IL15: variants seen among roughly 807,000 people sequenced by gnomAD.
IL15 encodes the protein interleukin 15.
In IL15, 11 loss-of-function variants were observed where a neutral mutation model predicts 19.6. The observed-to-expected ratio is 0.56, with a 90% CI of 0.35 to 0.93. The LOEUF (loss-of-function observed/expected upper bound fraction) is 0.93, where lower values mean the gene tolerates loss of function less well. Ranked by LOEUF, IL15 falls within the 40% of genes least tolerant of loss-of-function variation. IL15 has a pLI of 0.01. For missense variants in IL15, 197 were observed against 186.5 expected (o/e 1.06, Z -0.33); for synonymous variants, 58 against 59.6 (o/e 0.97, Z 0.12).
At chr4:141,707,391 G>A (rs770434379) in intron 2 of IL15, among the ~76,000 whole-genome samples, 5 of 152,048 alleles carry the variant, frequency 3.3e-5, no homozygotes, top group Admixed American at 6.6e-5. Flanking sequence ...CATTTCATAA[G>A]TATCATTTTA....
chr4:141,712,468 C>T (rs1729744268), intron 2 of IL15, among the ~76,000 whole-genome samples: 1 of 151,972 alleles, frequency 6.6e-6, no homozygotes, highest in African/African-American at 2.4e-5. Flanking sequence ...CATAGTGCTA[C>T]AGAAAACTAT....
chr4:141,707,554 A>G (rs1579039532), intron 2 of IL15, among the ~76,000 whole-genome samples: 1 of 152,060 alleles, frequency 6.6e-6, no homozygotes, highest in Non-Finnish European at 1.5e-5. Flanking sequence ...TCAGGGAGAG[A>G]CATTTCCTGT....
intron 2 of IL15, among the ~76,000 whole-genome samples, chr4:141,703,784 AGT>A (rs1729414712): frequency 6.7e-6 from 1 of 149,456 alleles, no homozygotes; most frequent in Admixed American, 6.7e-5. Flanking sequence ...TCCTTGGTTA[AGT>A]TTATTTCTAG....
intron 4 of IL15, chr4:141,720,930 T>C (rs978347700): frequency 2.2e-5 from 12 of 555,138 alleles, no homozygotes; most frequent in South Asian, 1.9e-4. Context: ...TGACACTGAC[T>C]CCTCCTATCC....
chr4:141,694,945 C>T lies in IL15; in HGVS notation c.-99-24421C>T, dbSNP rs547696827. The stretch of plus-strand genomic sequence containing the variant: ...ATATCTAATTAATCAGCAAATCCTA[C>T]ACCATCAGAATATACCCCTCTCTCC... On this transcript the variant is annotated intron_variant, in intron 2 of 7. Transcript: ENST00000320650. 3.9e-5 allele frequency among the ~76,000 whole-genome samples: 6 copies of T among 152,282 alleles called. No individual in the cohort carries two copies. In the South Asian group the frequency reaches 6.2e-4, roughly 16 times the overall value.
At chr4:141,696,838 T>C (rs559035571) in intron 2 of IL15, among the ~76,000 whole-genome samples, 1 of 151,962 alleles carries the variant, frequency 6.6e-6, no homozygotes. Flanking sequence ...TTTTGTCCTT[T>C]GCCCACTTTT....
At position 141,727,946 on chromosome 4, in the gene IL15, C is replaced by A; in HGVS notation, c.202C>A (p.His68Asn). 1 of 1,289,502 alleles carries A rather than the reference C, an allele frequency of 7.8e-7. No homozygotes were observed. The highest frequency in any genetic ancestry group is 1.1e-6 in the Non-Finnish European group (1 of 905,526). 79.9% of individuals were successfully genotyped at this position (1,289,502 alleles called of 1,614,324 possible). The change falls in exon 6 of 8, where the codon CAT becomes AAT. Residue 68 changes from histidine (H) to asparagine (N), a missense_variant. Transcript: ENST00000320650. Reference protein sequence around the residue: ...KKIEDLIQSMHIDATLYTESD... With the variant: ...KKIEDLIQSMNIDATLYTESD... ...TAATTTTGTTTCCTTTCAGTCTATG[C>A]ATATTGATGCTACTTTATATACGGA...
chr4:141,685,071 A>C (rs1298625505), intron 2 of IL15, among the ~76,000 whole-genome samples: 1 of 152,206 alleles, frequency 6.6e-6, no homozygotes, highest in Admixed American at 6.5e-5. Context: ...TCGATGATTC[A>C]AATCAATGGA....
At chr4:141,689,353 GAT>G (rs1399034043) in intron 2 of IL15, among the ~76,000 whole-genome samples, 1 of 150,504 alleles carries the variant, frequency 6.6e-6, no homozygotes, top group African/African-American at 2.4e-5. Flanking sequence ...ACAGGGCGCT[GAT>G]TGGTGCGTTT....
At chr4:141,646,834 A>G (rs534819488) in intron 1 of IL15, among the ~76,000 whole-genome samples, 4 of 152,166 alleles carry the variant, frequency 2.6e-5, no homozygotes, top group South Asian at 4.2e-4. Flanking sequence ...ATCTCCCTTC[A>G]TTAGAATATG....
chr4:141,686,210 G>A (rs941990463), intron 2 of IL15, among the ~76,000 whole-genome samples: 10 of 151,910 alleles, frequency 6.6e-5, no homozygotes, highest in South Asian at 4.1e-4. Context: ...GAGGAGAATC[G>A]CTTGAGCCCC....
intron 2 of IL15, among the ~76,000 whole-genome samples, chr4:141,680,748 C>T (rs1579013637): frequency 6.6e-6 from 1 of 152,132 alleles, no homozygotes; most frequent in East Asian, 1.9e-4. Flanking sequence ...CTTGTTCAAC[C>T]CATCTTTACT....
intron 2 of IL15, among the ~76,000 whole-genome samples, chr4:141,710,692 C>G (rs985500765): frequency 4.6e-5 from 7 of 152,050 alleles, no homozygotes; most frequent in African/African-American, 1.2e-4. Context: ...CCTGTCCCCA[C>G]TACCTCTACT....
intron 2 of IL15, among the ~76,000 whole-genome samples, chr4:141,670,306 A>G (rs540752963): frequency 4.1e-4 from 62 of 151,912 alleles, no homozygotes; most frequent in Middle Eastern, 6.8e-3. Context: ...AATTGTAGCC[A>G]GCTGTGCTGG....
intron 2 of IL15, among the ~76,000 whole-genome samples, chr4:141,661,772 C>T (rs578017333): frequency 1.2e-3 from 188 of 152,176 alleles, no homozygotes; most frequent in Non-Finnish European, 2.0e-3. Flanking sequence ...TATATTGGCT[C>T]CCTCCGCCCT....
At chr4:141,657,670 T>TC (rs1279665699) in intron 2 of IL15, among the ~76,000 whole-genome samples, 1 of 152,098 alleles carries the variant, frequency 6.6e-6, no homozygotes, top group Non-Finnish European at 1.5e-5. Context: ...AGAGTCAGGA[T>TC]CATCAACATC....
chr4:141,661,395 T>A (rs1727782369), intron 2 of IL15, among the ~76,000 whole-genome samples: 1 of 152,150 alleles, frequency 6.6e-6, no homozygotes, highest in Admixed American at 6.5e-5. Flanking sequence ...AAAGCACATC[T>A]TTTAAAAAGG....
At chr4:141,689,990 C>G (rs58934440) in intron 2 of IL15, among the ~76,000 whole-genome samples, 17,487 of 152,230 alleles carry the variant, frequency 0.11, 1,577 homozygotes, top group East Asian at 0.42. Context: ...CTGCAGGTCC[C>G]GAGCCCTGCC....
At chr4:141,687,146 G>C (rs898133173) in intron 2 of IL15, among the ~76,000 whole-genome samples, 2 of 152,170 alleles carry the variant, frequency 1.3e-5, no homozygotes, top group African/African-American at 4.8e-5. Flanking sequence ...CACTTGGCAT[G>C]GTCTCAGACA....
Sources: gnomAD v4.1 joint callset for allele counts (sites outside exome capture counted in the v4.1 genomes callset) on GRCh38, gnomAD v4.1.1 for gene constraint, MANE v1.5 for transcripts, NCBI Gene and HGNC (gene_info 2026-07-23, HGNC 2026-07-21) for gene names.